CFAP263: variants seen among roughly 807,000 people sequenced by gnomAD.
CFAP263 encodes cilia- and flagella-associated protein 263.
At chr16:58,280,839 T>C in the CFAP263 span, 11 of 1,339,316 alleles carry the variant, frequency 8.2e-6, no homozygotes, top group Non-Finnish European at 1.1e-5. Context: ...ATACTGTTTG[T>C]TCTAGAAATG....
chr16:58,276,502 C>T, the CFAP263 span, among the ~76,000 whole-genome samples: 2 of 152,152 alleles, frequency 1.3e-5, no homozygotes, highest in African/African-American at 4.8e-5. Context: ...GTAGGGTTTT[C>T]AGTTGCATCG....
At chr16:58,250,398 G>T in the CFAP263 span, 1 of 330,480 alleles carries the variant, frequency 3.0e-6, no homozygotes, top group Non-Finnish European at 5.6e-6. Flanking sequence ...GCCAGACGGT[G>T]TGCTTAGCCG....
At chr16:58,263,392 A>G in the CFAP263 span, among the ~76,000 whole-genome samples, 1 of 152,230 alleles carries the variant, frequency 6.6e-6, no homozygotes, top group African/African-American at 2.4e-5. Flanking sequence ...TTTGAATTGA[A>G]TCAATAAAAC....
chr16:58,257,010 A>ATTTTTTTTT, the CFAP263 span, among the ~76,000 whole-genome samples: 235 of 50,066 alleles, frequency 4.7e-3, no homozygotes, highest in East Asian at 8.6e-3. Flanking sequence ...GCATATATGA[A>ATTTTTTTTT]TTTCTTTTTT....
chr16:58,256,855 T>C, the CFAP263 span, among the ~76,000 whole-genome samples: 1 of 151,990 alleles, frequency 6.6e-6, no homozygotes, highest in African/African-American at 2.4e-5. Context: ...TGTGTGTGTG[T>C]TCTTATTTCA....
At chr16:58,269,646 A>G in the CFAP263 span, among the ~76,000 whole-genome samples, 1 of 152,190 alleles carries the variant, frequency 6.6e-6, no homozygotes, top group Non-Finnish European at 1.5e-5. Context: ...GTTCACTTGT[A>G]TCATGTATCA....
At chr16:58,266,730 C>T in the CFAP263 span, among the ~76,000 whole-genome samples, 1 of 152,100 alleles carries the variant, frequency 6.6e-6, no homozygotes. Flanking sequence ...GACTCTTCCC[C>T]ACTGACAGAG....
At chr16:58,279,992 T>A in the CFAP263 span, 1 of 621,536 alleles carries the variant, frequency 1.6e-6, no homozygotes, top group Non-Finnish European at 2.8e-6. Context: ...CACAGGGCAC[T>A]CTAATGGTTT....
At chr16:58,254,265 A>T in the CFAP263 span, 2 of 1,242,770 alleles carry the variant, frequency 1.6e-6, no homozygotes, top group Middle Eastern at 2.5e-4. Context: ...TTTGGAAGAA[A>T]CACAGGTAGG....
At chr16:58,275,500 G>T in the CFAP263 span, among the ~76,000 whole-genome samples, 1 of 152,124 alleles carries the variant, frequency 6.6e-6, no homozygotes, top group East Asian at 1.9e-4. Flanking sequence ...GGTAAAAAAA[G>T]AGTATCCCCA....
chr16:58,280,541 C>A, the CFAP263 span: 1 of 1,614,134 alleles, frequency 6.2e-7, no homozygotes, highest in Non-Finnish European at 8.5e-7. Context: ...GCATTTGGTC[C>A]ATGGTGGGAG....
the CFAP263 span, among the ~76,000 whole-genome samples, chr16:58,274,579 T>C: frequency 6.6e-6 from 1 of 152,236 alleles, no homozygotes; most frequent in Admixed American, 6.5e-5. Context: ...TGAGATCTGA[T>C]GGTTTTTAAA....
the CFAP263 span, among the ~76,000 whole-genome samples, chr16:58,273,820 G>C: frequency 1.3e-5 from 2 of 152,160 alleles, no homozygotes; most frequent in Admixed American, 6.5e-5. Flanking sequence ...TCTTGGGCTT[G>C]TCATTGTTTT....
the CFAP263 span, among the ~76,000 whole-genome samples, chr16:58,260,112 G>A: frequency 6.6e-6 from 1 of 152,146 alleles, no homozygotes; most frequent in Non-Finnish European, 1.5e-5. Context: ...TCTTGAGATG[G>A]GGAGATGGTC....
chr16:58,268,338 G>A, the CFAP263 span, among the ~76,000 whole-genome samples: 5 of 152,142 alleles, frequency 3.3e-5, no homozygotes, highest in East Asian at 5.8e-4. Flanking sequence ...GAACTTTTTG[G>A]GGAGGGCACA....
the CFAP263 span, among the ~76,000 whole-genome samples, chr16:58,273,883 G>A: frequency 6.6e-6 from 1 of 152,172 alleles, no homozygotes; most frequent in African/African-American, 2.4e-5. Context: ...AACTAGATCT[G>A]TTCCCCTGCT....
chr16:58,257,274 C>T, the CFAP263 span, among the ~76,000 whole-genome samples: 2 of 111,970 alleles, frequency 1.8e-5, no homozygotes, highest in African/African-American at 5.3e-5. Flanking sequence ...GCCTCGGCCT[C>T]CCAAAGTGCT....
the CFAP263 span, chr16:58,252,934 C>T: frequency 3.9e-5 from 56 of 1,436,584 alleles, no homozygotes; most frequent in Non-Finnish European, 4.8e-5. Flanking sequence ...GCCTTTGGTG[C>T]GCCCTCTGTG....
the CFAP263 span, chr16:58,267,416 TC>T: frequency 1.8e-6 from 2 of 1,087,562 alleles, no homozygotes; most frequent in Non-Finnish European, 2.8e-6. Context: ...AAGAGATGTC[TC>T]CCCTTCCTGC....
Sources: allele counts gnomAD v4.1 joint callset (sites outside exome capture counted in the v4.1 genomes callset), GRCh38; gene constraint gnomAD v4.1.1; transcripts MANE v1.5; gene names NCBI Gene and HGNC (gene_info 2026-07-23, HGNC 2026-07-21).